The following MBP variants were observed in gnomAD, a reference collection of about 807,000 sequenced individuals.
MBP encodes Golli-MBP.
A neutral mutation model predicts 35.8 loss-of-function variants in MBP; 16 were observed. That is an observed-to-expected ratio of 0.45 (90% confidence interval 0.30 to 0.68). The LOEUF is 0.68. Among genes scored for constraint, MBP ranks in the 30% least tolerant of loss-of-function variants. The pLI is 0.08. For missense variants in MBP, 380 were observed against 404.7 expected (o/e 0.94, Z 0.52); for synonymous variants, 143 against 159.6 (o/e 0.90, Z 0.78).
rs181753215 is a variant in MBP at position 77,031,286 on chromosome 18, T to C, written c.140-14018A>G. Reference sequence around the variant, plus strand: ...AATTGGCTTTTTACCTAAAGCAGTTTGGCAGATGCCAGACAGACCCCCGAG... The same window carrying C: ...AATTGGCTTTTTACCTAAAGCAGTTCGGCAGATGCCAGACAGACCCCCGAG... On this transcript the variant is annotated intron_variant, in intron 3 of 8. Coordinates refer to ENST00000355994, the MANE Select transcript of MBP (RefSeq NM_001025101.2). Among the ~76,000 whole-genome samples the C allele has an allele frequency of 7.1e-3, 1,080 of 152,350 alleles. 5 individuals are homozygous for C. The highest frequency in any genetic ancestry group is 0.01 in the Non-Finnish European group (705 of 68,036).
rs986650533 is a variant in MBP at position 77,122,835 on chromosome 18, G to A, written c.-26+9745C>T. ...TGGGATTACAGGCATGAGCCACCGC[G>A]CCCGGCTAGTATATTTTCCATTCAA... On this transcript the variant is annotated intron_variant, in intron 1 of 8. Transcript: ENST00000355994. Among the ~76,000 whole-genome samples the A allele has an allele frequency of 3.9e-5, 6 of 152,290 alleles. No individual in the cohort carries two copies. In the East Asian group the frequency reaches 7.7e-4, roughly 20 times the overall value.
chr18:77,009,809 A>AT (rs1971230482), intron 4 of MBP: 12 of 1,512,494 alleles, frequency 7.9e-6, no homozygotes, highest in African/African-American at 1.6e-5. Flanking sequence ...ACGGCAGGTC[A>AT]CCCCTGGCCC....
chr18:77,007,316 G>A (rs557661956), intron 4 of MBP, among the ~76,000 whole-genome samples: 1 of 152,314 alleles, frequency 6.6e-6, no homozygotes, highest in Admixed American at 6.5e-5. Context: ...GAAGCTCCTC[G>A]CTTATTCTTC....
At chr18:77,014,757 C>T in intron 4 of MBP, 1 of 985,298 alleles carries the variant, frequency 1.0e-6, no homozygotes, top group Non-Finnish European at 1.2e-6. Flanking sequence ...GTGCGCTCCC[C>T]CGGGATGCCT....
intron 1 of MBP, among the ~76,000 whole-genome samples, chr18:77,124,520 AC>A (rs1368234400): frequency 6.7e-6 from 1 of 150,352 alleles, no homozygotes; most frequent in Non-Finnish European, 1.5e-5. Context: ...CCCCAGCTGC[AC>A]CCCCGGAAGT....
chr18:77,105,055 A>T (rs71283561), intron 2 of MBP, among the ~76,000 whole-genome samples, 156 bp downstream of exon 2: 3 of 133,820 alleles, frequency 2.2e-5, no homozygotes, highest in East Asian at 4.1e-4. Flanking sequence ...ATCATAATTA[A>T]TTATTAATAA....
chr18:76,989,811 G>C lies in MBP; in HGVS notation c.681+145C>G, dbSNP rs1360664044. On this transcript the variant is annotated intron_variant, in intron 5 of 8. Transcript: ENST00000355994. This position sits in a 1 kb window ranked among gnomAD's most constrained non-coding sequence, Gnocchi z 4.0. ...GCCTGGAACTCGCGATCAGGTGCGA[G>C]GGGGGAGTTCCCCGGCCGGCCTCAC... 6.0e-6 allele frequency: 4 copies of C among 663,474 alleles called. No homozygotes were observed. Among genetic ancestry groups the C allele is most frequent in the Non-Finnish European group, 1.1e-5 (4 of 371,396 alleles). 41.1% of individuals were successfully genotyped at this position (663,474 alleles called of 1,614,324 possible). A position where few individuals can be genotyped will look rare whatever the true frequency, so the allele number is the denominator to read the frequency against.
chr18:77,081,094 C>T (rs1273825610), intron 2 of MBP, among the ~76,000 whole-genome samples: 1 of 152,168 alleles, frequency 6.6e-6, no homozygotes, highest in Non-Finnish European at 1.5e-5. Context: ...GAAGGGACAA[C>T]ACTCAGGAGT....
intron 2 of MBP, among the ~76,000 whole-genome samples, chr18:77,085,381 C>T (rs1322589467): frequency 6.6e-6 from 1 of 152,206 alleles, no homozygotes; most frequent in African/African-American, 2.4e-5. Flanking sequence ...GAATGTGTAG[C>T]TTGGCCCTGC....
At chr18:77,068,692 T>TGC (rs1974309139) in intron 2 of MBP, among the ~76,000 whole-genome samples, 1 of 152,194 alleles carries the variant, frequency 6.6e-6, no homozygotes, top group African/African-American at 2.4e-5. Context: ...CTTTCCAGAT[T>TGC]GCGAGTCACA....
intron 4 of MBP, among the ~76,000 whole-genome samples, chr18:77,008,268 C>A (rs917947448): frequency 6.6e-5 from 10 of 152,192 alleles, no homozygotes; most frequent in Admixed American, 4.6e-4. Flanking sequence ...CGGTGCCTCC[C>A]AGGCAGGGGC....
At chr18:77,018,689 C>T (rs903468023) in intron 3 of MBP, among the ~76,000 whole-genome samples, 14 of 149,092 alleles carry the variant, frequency 9.4e-5, no homozygotes, top group Non-Finnish European at 1.6e-4. Context: ...TCCATTCCAT[C>T]CATCCCCCAT....
At chr18:77,111,961 A>G (rs955913446) in intron 1 of MBP, among the ~76,000 whole-genome samples, 1 of 152,136 alleles carries the variant, frequency 6.6e-6, no homozygotes, top group Admixed American at 6.5e-5. Context: ...TTCTTTCACT[A>G]TCCTTGTCTC....
intron 2 of MBP, among the ~76,000 whole-genome samples, chr18:77,082,143 C>T (rs984228077): frequency 2.1e-4 from 32 of 152,030 alleles, no homozygotes; most frequent in Non-Finnish European, 2.6e-4. Flanking sequence ...TGAGCCACTG[C>T]GCCCGGCCCA....
rs1395933350 is a variant in MBP at position 76,997,828 on chromosome 18, T to C, written c.577-7768A>G. 6.4e-4 allele frequency among the ~76,000 whole-genome samples: 98 copies of C among 152,152 alleles called. 1 individual carries two copies. Among genetic ancestry groups the C allele is most frequent in the African/African-American group, 1.8e-3 (74 of 41,518 alleles). On this transcript the variant is annotated intron_variant, in intron 4 of 8. Coordinates refer to ENST00000355994, the MANE Select transcript of MBP (RefSeq NM_001025101.2). ...CTCCCGAGTAGCTGGGACTAGAGGCTCCGCCACCACGCCCGGCTGATTTTT... is the reference window on the plus strand; with the variant it reads ...CTCCCGAGTAGCTGGGACTAGAGGCCCCGCCACCACGCCCGGCTGATTTTT...
At chr18:77,031,880 TG>T (rs1198518422) in intron 3 of MBP, among the ~76,000 whole-genome samples, 1 of 152,140 alleles carries the variant, frequency 6.6e-6, no homozygotes, top group African/African-American at 2.4e-5. Context: ...CTGTGCCCAG[TG>T]GGAGCCAGGG....
At chr18:77,008,267 C>A (rs563710194) in intron 4 of MBP, among the ~76,000 whole-genome samples, 121 of 152,262 alleles carry the variant, frequency 7.9e-4, no homozygotes, top group Non-Finnish European at 1.5e-3. Context: ...TCGGTGCCTC[C>A]CAGGCAGGGG....
At chr18:77,078,283 TG>T (rs548779047) in intron 2 of MBP, among the ~76,000 whole-genome samples, 22 of 152,238 alleles carry the variant, frequency 1.4e-4, no homozygotes, top group Non-Finnish European at 2.5e-4. Context: ...AGCTGCTTTT[TG>T]TCTACCTTCC....
chr18:77,017,350 CCT>C, intron 3 of MBP, 82 bp from the exon 4 acceptor site: 1 of 1,325,014 alleles, frequency 7.5e-7, no homozygotes, highest in Non-Finnish European at 1.0e-6. Context: ...GGGGTCTTGA[CCT>C]AGCTGTCTCC....
Sources: allele counts gnomAD v4.1 joint callset (sites outside exome capture counted in the v4.1 genomes callset), GRCh38; gene constraint gnomAD v4.1.1; non-coding constraint Gnocchi (gnomAD v3.1); transcripts MANE v1.5; gene names NCBI Gene and HGNC (gene_info 2026-07-23, HGNC 2026-07-21).